The following DMXL2 variants were observed in gnomAD, a reference collection of about 807,000 sequenced individuals.
DMXL2 encodes dmX-like protein 2.
A neutral mutation model predicts 331.1 loss-of-function variants in DMXL2; 103 were observed. That is an observed-to-expected ratio of 0.31 (90% CI 0.27 to 0.37). DMXL2 has a LOEUF of 0.37. Among genes scored for constraint, DMXL2 ranks in the 10% least tolerant of loss-of-function variants. DMXL2 has a pLI of 1.00. For synonymous variants in DMXL2, 1,281 were observed against 1,252.1 expected, an observed-to-expected ratio of 1.02 and a Z score of -0.49; for missense variants, 3,171 against 3,642.9, an observed-to-expected ratio of 0.87 and a Z score of 3.33.
At chr15:51,537,927 T>C (rs2048374398) in intron 10 of DMXL2, among the ~76,000 whole-genome samples, 168 bp from the exon 11 acceptor site, 1 of 152,238 alleles carries the variant, frequency 6.6e-6, no homozygotes, top group South Asian at 2.1e-4. Flanking sequence ...CTACAGTTAC[T>C]ACTTTTAGAT....
At position 51,459,591 on chromosome 15, in the gene DMXL2, A is replaced by C. The variant is rs1437059628; in HGVS notation, c.7989+7T>G. 1.6e-6 allele frequency: 2 copies of C among 1,289,682 alleles called. No individual in the cohort carries two copies. The highest frequency in any genetic ancestry group is 2.0e-6 in the Non-Finnish European group (2 of 988,852). The allele number at this position is 1,289,682 out of a possible 1,614,324, so 79.9% of individuals were successfully genotyped here. ...AATGAGCTAAATACAAGATCTTGGA[A>C]TACTACCTTGATGTGGCAATCTTCT... On this transcript the variant is annotated splice_region_variant and intron_variant, in intron 34 of 43. Coordinates refer to ENST00000560891, the MANE Select transcript of DMXL2 (RefSeq NM_001378457.1).
intron 16 of DMXL2, among the ~76,000 whole-genome samples, chr15:51,504,627 C>T (rs536960131): frequency 1.3e-5 from 2 of 152,336 alleles, no homozygotes; most frequent in East Asian, 3.9e-4. Context: ...TAATAATCCT[C>T]TTTTGTTTCT....
intron 13 of DMXL2, among the ~76,000 whole-genome samples, chr15:51,523,343 T>C (rs1468716812): frequency 1.3e-5 from 2 of 152,216 alleles, no homozygotes; most frequent in Non-Finnish European, 2.9e-5. Flanking sequence ...GAATGCCTTA[T>C]AGCATGGGGG....
At chr15:51,552,222 T>G (rs1488070051) in intron 6 of DMXL2, among the ~76,000 whole-genome samples, 1 of 152,188 alleles carries the variant, frequency 6.6e-6, no homozygotes, top group Admixed American at 6.5e-5. Context: ...GATCATAATC[T>G]TCATTTTAGG....
intron 1 of DMXL2, among the ~76,000 whole-genome samples, chr15:51,583,144 A>C (rs1256226009): frequency 1.1e-5 from 1 of 90,570 alleles, no homozygotes; most frequent in Admixed American, 1.3e-4. Context: ...TTTTTATTAT[A>C]CTCTAAGTTT....
intron 13 of DMXL2, among the ~76,000 whole-genome samples, chr15:51,519,126 T>C (rs754710265): frequency 5.9e-5 from 9 of 152,086 alleles, no homozygotes; most frequent in African/African-American, 9.7e-5. Flanking sequence ...ACTGCACATA[T>C]GTGTTTTGAT....
At chr15:51,618,669 A>G (rs1345451835) in intron 1 of DMXL2, among the ~76,000 whole-genome samples, 1 of 152,194 alleles carries the variant, frequency 6.6e-6, no homozygotes, top group Non-Finnish European at 1.5e-5. Flanking sequence ...TTAATGAAGA[A>G]GTCCTGTGAT....
At chr15:51,556,503 T>C (rs1176327851) in intron 6 of DMXL2, among the ~76,000 whole-genome samples, 9 of 152,094 alleles carry the variant, frequency 5.9e-5, no homozygotes. Context: ...CCGGGCACAG[T>C]GGCTCATGCC....
intron 12 of DMXL2, 50 bp downstream of exon 12, chr15:51,536,116 A>G (rs773233057): frequency 7.0e-7 from 1 of 1,423,716 alleles, no homozygotes; most frequent in African/African-American, 1.4e-5. Context: ...TATATAACAA[A>G]TAATAGTTTA....
rs756317143 is a variant in DMXL2, at chr15:51,499,829, C to T, written c.3395G>A (p.Gly1132Glu). Residue 1132 changes from glycine to glutamate, a missense_variant, in exon 18 of 44, where the codon GGG becomes GAG. By Grantham distance (98) the Gly-to-Glu change is moderately conservative. Transcript: ENST00000560891. ...GCTGACCCTTGAATCAAGTACACTC[C>T]CAACCTTAACCAAATCATCAAGATG... ...TIHLDDLVKV[G>E]SVLDSRVSVD... The T allele has an allele frequency of 6.2e-7, 1 of 1,614,160 alleles. No homozygotes were observed. Among genetic ancestry groups the T allele is most frequent in the Non-Finnish European group, 8.5e-7 (1 of 1,180,008 alleles).
rs773002578 is a variant in DMXL2, at chr15:51,476,651, C to T, written c.6902G>A (p.Arg2301Lys). The change falls in exon 27 of 44, where the codon AGA becomes AAA. Residue 2301 changes from arginine to lysine, a missense_variant. Arg to Lys is a conservative substitution (Grantham distance 26). This residue lies in a region of DMXL2 where 766 missense variants were observed against 940.5 expected (regional missense o/e 0.81). Transcript: ENST00000560891. ...TTCTTCAATGCTTTCTGTCCTTAGT[C>T]TTCTACGATCACTTAAAAGAAGTCC... ...YQGLLLSDRR[R>K]LRTESIEEHA... 1.9e-6 allele frequency: 3 copies of T among 1,611,704 alleles called. No individual in the cohort carries two copies. Among genetic ancestry groups the T allele is most frequent in the Non-Finnish European group, 1.7e-6 (2 of 1,179,212 alleles).
rs1457489114 is a variant in DMXL2 at position 51,537,692 on chromosome 15, T to C, written c.1413A>G (p.Glu471=). Residue 471 remains glutamate (E), a synonymous_variant, in exon 11 of 44, where the codon GAA becomes GAG. Coordinates refer to ENST00000560891, the MANE Select transcript of DMXL2 (RefSeq NM_001378457.1). ...GTCGTGAGTAAGTTCTAGGACTTCCTTCTCTTTCTCCATCTTCATGTTCTG... is the reference window on the plus strand; with the variant it reads ...GTCGTGAGTAAGTTCTAGGACTTCCCTCTCTTTCTCCATCTTCATGTTCTG... ...GSSEHEDGER[E]GSPRTYSRLS... is the part of the protein sequence containing the mutation. 1 of 1,613,896 alleles carries C rather than the reference T, an allele frequency of 6.2e-7. No individual in the cohort carries two copies. Among genetic ancestry groups the C allele is most frequent in the Non-Finnish European group, 8.5e-7 (1 of 1,179,864 alleles).
chr15:51,464,615 A>T (rs1456990824), intron 32 of DMXL2, 60 bp downstream of exon 32: 3 of 1,478,294 alleles, frequency 2.0e-6, no homozygotes, highest in East Asian at 4.6e-5. Context: ...ATATTTAGCC[A>T]AACTGTCTTC....
chr15:51,519,633 C>CTTT (rs1555426962), intron 13 of DMXL2, among the ~76,000 whole-genome samples: 4 of 118,314 alleles, frequency 3.4e-5, no homozygotes, highest in South Asian at 2.6e-4. Flanking sequence ...GACAAAGTCT[C>CTTT]TTGTTTTTTT....
chr15:51,538,598 T>C (rs1294115306), intron 9 of DMXL2, 146 bp from the exon 10 acceptor site: 1 of 594,682 alleles, frequency 1.7e-6, no homozygotes, highest in Non-Finnish European at 2.7e-6. Flanking sequence ...TTAACTGAAT[T>C]TAATGGTAAA....
chr15:51,470,265 A>G (rs1256800631), intron 29 of DMXL2, among the ~76,000 whole-genome samples: 2 of 152,090 alleles, frequency 1.3e-5, no homozygotes, highest in African/African-American at 2.4e-5. Context: ...CCTTTCAAGC[A>G]GCTAGAACTA....
chr15:51,548,061 A>G (rs1162764155), intron 6 of DMXL2, among the ~76,000 whole-genome samples: 2 of 152,138 alleles, frequency 1.3e-5, no homozygotes, highest in Non-Finnish European at 2.9e-5. Context: ...GAACCACCTC[A>G]ATGCCCACTT....
intron 2 of DMXL2, among the ~76,000 whole-genome samples, chr15:51,575,049 G>A (rs913162118): frequency 2.0e-5 from 3 of 152,056 alleles, no homozygotes; most frequent in East Asian, 3.9e-4. Flanking sequence ...TACCTGGGGG[G>A]AAAAATTAGA....
intron 6 of DMXL2, among the ~76,000 whole-genome samples, chr15:51,551,236 T>C (rs2049200788): frequency 6.6e-6 from 1 of 152,198 alleles, no homozygotes; most frequent in African/African-American, 2.4e-5. Context: ...AAGACACATT[T>C]GCTTAACCTC....
Sources: gnomAD v4.1 joint callset for allele counts (sites outside exome capture counted in the v4.1 genomes callset) on GRCh38, gnomAD v4.1.1 for gene constraint, gnomAD v4.1.1 regional missense constraint, MANE v1.5 for transcripts, NCBI Gene and HGNC (gene_info 2026-07-23, HGNC 2026-07-21) for gene names.